Variants in TXNDC5 observed in about 807,000 individuals in gnomAD.
TXNDC5 encodes thioredoxin domain-containing protein 5.
In TXNDC5, 44 loss-of-function variants were observed where a neutral mutation model predicts 52.6. The observed-to-expected ratio is 0.84, with a 90% CI of 0.66 to 1.08. TXNDC5 has a LOEUF of 1.08. Ranked by LOEUF, TXNDC5 falls within the 50% of genes least tolerant of loss-of-function variation. The pLI is 0.00. For synonymous variants in TXNDC5, 241 were observed against 234.4 expected (o/e 1.03, Z -0.26); for missense variants, 600 against 565.5 (o/e 1.06, Z -0.62).
At chr6:7,889,658 G>T (rs1054666483) in intron 5 of TXNDC5, 77 bp from the exon 6 acceptor site, 11 of 1,102,580 alleles carry the variant, frequency 1.0e-5, no homozygotes, top group Non-Finnish European at 1.5e-5. Flanking sequence ...TGGACACTTT[G>T]TACGTTACAA....
chr6:7,896,345 A>G (rs1760368923), intron 3 of TXNDC5, among the ~76,000 whole-genome samples: 2 of 152,194 alleles, frequency 1.3e-5, no homozygotes, highest in South Asian at 4.1e-4. Flanking sequence ...TCTAGTCACA[A>G]TCCTACATTT....
chr6:7,902,067 A>G (rs1450168827), intron 2 of TXNDC5, among the ~76,000 whole-genome samples: 2 of 152,180 alleles, frequency 1.3e-5, no homozygotes, highest in Non-Finnish European at 2.9e-5. Flanking sequence ...GTGAGGACAG[A>G]GGACGGCAGT....
chr6:7,886,124 A>G, intron 7 of TXNDC5, 81 bp from the exon 8 acceptor site: 1 of 1,256,776 alleles, frequency 8.0e-7, no homozygotes, highest in East Asian at 2.4e-5. Context: ...CAGATACACG[A>G]ATCAGTAATT....
In TXNDC5 at chr6:7,899,820, G is replaced by A. The variant is rs963029345; in HGVS notation, c.414-139C>T. ...TGTATCTGCTCCTCTCTGATAAAAA[G>A]GAAACAAACATAACGTTCCAGGAGA... On this transcript the variant is annotated intron_variant, in intron 2 of 9. Coordinates refer to ENST00000379757, the MANE Select transcript of TXNDC5 (RefSeq NM_030810.5). 5 of 556,174 alleles carry A rather than the reference G, an allele frequency of 9.0e-6. No individual in the cohort carries two copies. The East Asian group carries it at 9.3e-5, about 10-fold the overall frequency. The allele number at this position is 556,174 out of a possible 1,614,324, so 34.5% of individuals were successfully genotyped here. A position where few individuals can be genotyped will look rare whatever the true frequency, so the allele number is the denominator to read the frequency against.
At chr6:7,898,455 G>A (rs767657313) in intron 3 of TXNDC5, among the ~76,000 whole-genome samples, 3 of 152,164 alleles carry the variant, frequency 2.0e-5, no homozygotes, top group Non-Finnish European at 4.4e-5. Context: ...CGGAAGAGCC[G>A]CACAGACACA....
intron 2 of TXNDC5, among the ~76,000 whole-genome samples, chr6:7,903,149 GTT>G (rs1760622234): frequency 6.6e-6 from 1 of 152,204 alleles, no homozygotes; most frequent in South Asian, 2.1e-4. Context: ...GAAAGCAACA[GTT>G]TCTCAACAGG....
chr6:7,899,878 G>T (rs1215223621), intron 2 of TXNDC5, 197 bp from the exon 3 acceptor site: 1 of 438,124 alleles, frequency 2.3e-6, no homozygotes, highest in African/African-American at 2.0e-5. Flanking sequence ...ACTTTCAGAA[G>T]TTTCTGGTTT....
At chr6:7,899,534 AGGG>A in intron 3 of TXNDC5, 39 bp downstream of exon 3, 1 of 775,846 alleles carries the variant, frequency 1.3e-6, no homozygotes, top group African/African-American at 4.0e-5. Flanking sequence ...GCAGGGAGAG[AGGG>A]AGGGAGGGAG....
Position 7,883,173 on chromosome 6 carries a change from C to T in TXNDC5, c.1270G>A (p.Val424Ile), listed in dbSNP as rs1360204785. The T allele has an allele frequency of 1.9e-6, 3 of 1,614,208 alleles. No homozygotes were observed. The highest frequency in any genetic ancestry group is 1.7e-6 in the Non-Finnish European group (2 of 1,180,044). ...AGTTCGTCTTTCGCTTGGCTCAGGA[C>T]AAAGCGGTGTAACGAGTCAAGGTCT... ...GRDLDSLHRF[V>I]LSQAKDEL Residue 424 changes from valine (V) to isoleucine (I), a missense_variant, in exon 10 of 10, where the codon GTC becomes ATC. By Grantham distance (29) the Val-to-Ile change is conservative. Transcript: ENST00000379757.
intron 3 of TXNDC5, among the ~76,000 whole-genome samples, chr6:7,895,827 C>CA (rs1197246059): frequency 6.7e-5 from 10 of 149,814 alleles, no homozygotes; most frequent in Middle Eastern, 3.2e-3. Flanking sequence ...CCCATCGCTA[C>CA]AAAAAAAAAA....
chr6:7,901,227 G>A (rs6937234), intron 2 of TXNDC5, among the ~76,000 whole-genome samples: 5,644 of 152,198 alleles, frequency 0.037, 188 homozygotes, highest in African/African-American at 0.091. Context: ...CAACATCTGC[G>A]GTATCAAAGA....
intron 1 of TXNDC5, among the ~76,000 whole-genome samples, chr6:7,906,919 C>T (rs1760755235): frequency 6.6e-6 from 1 of 152,202 alleles, no homozygotes; most frequent in Non-Finnish European, 1.5e-5. Flanking sequence ...TCTAAAGGCA[C>T]AGGTTTGAGA....
intron 3 of TXNDC5, among the ~76,000 whole-genome samples, chr6:7,897,649 G>A (rs1760418321): frequency 1.3e-5 from 2 of 152,140 alleles, no homozygotes; most frequent in African/African-American, 4.8e-5. Flanking sequence ...TGCAGAGCCT[G>A]GACGCAGCCT....
chr6:7,886,084 A>G, intron 7 of TXNDC5, 41 bp from the exon 8 acceptor site: 1 of 1,575,002 alleles, frequency 6.3e-7, no homozygotes, highest in Admixed American at 1.7e-5. Flanking sequence ...TACATCCCTT[A>G]AAGTTGAGCA....
At position 7,904,582 on chromosome 6, in the gene TXNDC5, T is replaced by C. The variant is rs750612656; in HGVS notation, c.405A>G (p.Gly135=). Residue 135 remains glycine (G), a synonymous_variant, in exon 2 of 10, where the codon GGA becomes GGG. Coordinates refer to ENST00000379757, the MANE Select transcript of TXNDC5 (RefSeq NM_030810.5). The stretch of plus-strand genomic sequence containing the variant: ...CCTTCCTTCCAACTTACGTGGGGTA[T>C]CCTCGCACCCCCTGGGCGGAGCACA... ...SDVCSAQGVR[G]YPTLKLFKPG... is the part of the protein sequence containing the mutation. The C allele has an allele frequency of 6.2e-7, 1 of 1,613,998 alleles. No individual in the cohort carries two copies.
intron 2 of TXNDC5, among the ~76,000 whole-genome samples, chr6:7,902,123 A>G (rs939654680): frequency 6.6e-6 from 1 of 152,166 alleles, no homozygotes; most frequent in African/African-American, 2.4e-5. Context: ...CAGGAAACCA[A>G]CAGGAGCCAG....
Position 7,883,062 on chromosome 6 carries a change from G to A in TXNDC5, c.*82C>T. On this transcript the variant is annotated 3_prime_UTR_variant, in exon 10 of 10. Transcript: ENST00000379757. ...CTGCTTTCTGAACAGCCACCACTGG[G>A]AACCCAGTGGCCTCTGTGGGACTGA... 1 of 1,591,158 alleles carries A rather than the reference G, an allele frequency of 6.3e-7. No homozygotes were observed.
chr6:7,903,340 CT>C (rs897339266), intron 2 of TXNDC5, among the ~76,000 whole-genome samples: 3 of 152,224 alleles, frequency 2.0e-5, no homozygotes, highest in Non-Finnish European at 4.4e-5. Flanking sequence ...AATTATGGCA[CT>C]TACATTAGCA....
In TXNDC5 at chr6:7,910,523, A is replaced by G; in HGVS notation, c.254T>C (p.Phe85Ser). The G allele has an allele frequency of 6.9e-7, 1 of 1,444,516 alleles. No homozygotes were observed. Among genetic ancestry groups the G allele is most frequent in the Non-Finnish European group, 9.2e-7 (1 of 1,087,800 alleles). The allele number at this position is 1,444,516 out of a possible 1,614,324, so 89.5% of individuals were successfully genotyped here. Residue 85 changes from phenylalanine (F) to serine (S), a missense_variant, in exon 1 of 10, where the codon TTC becomes TCC. By Grantham distance (155) the Phe-to-Ser change is radical. Coordinates refer to ENST00000379757, the MANE Select transcript of TXNDC5 (RefSeq NM_030810.5). ...IQSAAHFVMF[F>S]APWCGHCQRL... ...GCCTGCGCGGCGTTACCAGGGCGCGAAGAACATGACGAAGTGCGCGGCGCT... is the reference window on the plus strand; with the variant it reads ...GCCTGCGCGGCGTTACCAGGGCGCGGAGAACATGACGAAGTGCGCGGCGCT...
Sources: gnomAD v4.1 joint callset for allele counts (sites outside exome capture counted in the v4.1 genomes callset) on GRCh38, gnomAD v4.1.1 for gene constraint, MANE v1.5 for transcripts, NCBI Gene and HGNC (gene_info 2026-07-23, HGNC 2026-07-21) for gene names.